The following NALF1 variants were observed in gnomAD, a reference collection of about 807,000 sequenced individuals.
The protein encoded by NALF1 is NALCN channel auxiliary factor 1, also known as family with sequence similarity 155 member A.
In NALF1, 3 loss-of-function variants were observed where a neutral mutation model predicts 48.4. The observed-to-expected ratio is 0.06, with a 90% confidence interval of 0.03 to 0.16. The LOEUF (loss-of-function observed/expected upper bound fraction) is 0.16. Ranked by LOEUF, NALF1 falls within the 10% of genes least tolerant of loss-of-function variation. The probability of loss-of-function intolerance (pLI) is 1.00; values close to 1 mark genes in which losing one functional copy is unlikely to be tolerated. For synonymous variants in NALF1, 262 were observed against 245.7 expected, an observed-to-expected ratio of 1.07 and a Z score of -0.62; for missense variants, 526 against 571.5, an observed-to-expected ratio of 0.92 and a Z score of 0.81.
chr13:107,255,744 A>T (rs1427803828), intron 1 of NALF1, among the ~76,000 whole-genome samples: 1 of 152,184 alleles, frequency 6.6e-6, no homozygotes, highest in African/African-American at 2.4e-5. Flanking sequence ...TAATAATCTG[A>T]GGCAACTTGG....
At chr13:107,777,160 C>T (rs1877757914) in intron 1 of NALF1, among the ~76,000 whole-genome samples, 1 of 152,132 alleles carries the variant, frequency 6.6e-6, no homozygotes, top group Non-Finnish European at 1.5e-5. Context: ...TTTCCCGAAA[C>T]TTCACATAAA....
intron 1 of NALF1, among the ~76,000 whole-genome samples, chr13:107,861,457 T>C (rs1036745160): frequency 6.6e-6 from 1 of 152,202 alleles, no homozygotes; most frequent in African/African-American, 2.4e-5. Flanking sequence ...ATTTAAGTGA[T>C]AAAAAATTGT....
intron 1 of NALF1, among the ~76,000 whole-genome samples, chr13:107,568,239 C>T (rs1171055286): frequency 1.3e-5 from 2 of 152,200 alleles, no homozygotes; most frequent in Non-Finnish European, 2.9e-5. Flanking sequence ...CCTTGGCCTC[C>T]CATAATGTTA....
In NALF1 at chr13:107,284,075, G is replaced by T. The variant is rs551480098; in HGVS notation, c.916-73320C>A. Among the ~76,000 whole-genome samples, 45 of 152,230 alleles carry T rather than the reference G, an allele frequency of 3.0e-4. 1 individual carries two copies. The South Asian group carries it at 9.3e-3, about 32-fold the overall frequency. Reference sequence around the variant, plus strand: ...CAAATGAAAAACCTACAGCTACATAGGGCAAAGGATTATGGCTGACATACG... The same window carrying T: ...CAAATGAAAAACCTACAGCTACATATGGCAAAGGATTATGGCTGACATACG... On this transcript the variant is annotated intron_variant, in intron 1 of 2. Coordinates refer to ENST00000375915, the MANE Select transcript of NALF1 (RefSeq NM_001080396.3).
intron 1 of NALF1, among the ~76,000 whole-genome samples, chr13:107,846,764 T>G (rs1026046728): frequency 1.3e-5 from 2 of 152,192 alleles, no homozygotes; most frequent in Non-Finnish European, 2.9e-5. Flanking sequence ...AGTGCCTTCG[T>G]GTTTATTTCA....
rs529276071 is a variant in NALF1 at position 107,611,983 on chromosome 13, AAGAGG to A, written c.915+253694_915+253698del. ...GCACGAAGAAGAAAGAAGAGAAGAG[AAGAGG>A]AGAGGAGAGGAGAGAGACAGGGAAA... On this transcript the variant is annotated intron_variant, in intron 1 of 2. Transcript: ENST00000375915. Among the ~76,000 whole-genome samples the A allele has an allele frequency of 1.1e-4, 16 of 142,502 alleles. 1 individual carries two copies. In the East Asian group the frequency reaches 1.3e-3, roughly 12 times the overall value. 93.5% of individuals were successfully genotyped at this position (142,502 alleles called of 152,430 possible). A position where few individuals can be genotyped will look rare whatever the true frequency, so the allele number is the denominator to read the frequency against.
chr13:107,828,403 G>C (rs904485797), intron 1 of NALF1, among the ~76,000 whole-genome samples: 17 of 151,876 alleles, frequency 1.1e-4, no homozygotes, highest in African/African-American at 3.9e-4. Flanking sequence ...TCATACATCA[G>C]TGTGTGCTTC....
chr13:107,558,404 T>G (rs1877545025), intron 1 of NALF1, among the ~76,000 whole-genome samples: 1 of 152,204 alleles, frequency 6.6e-6, no homozygotes, highest in South Asian at 2.1e-4. Context: ...GACAGCTATA[T>G]GTATAGTATA....
chr13:107,530,502 AT>A (rs989769899), intron 1 of NALF1, among the ~76,000 whole-genome samples: 1 of 152,058 alleles, frequency 6.6e-6, no homozygotes, highest in African/African-American at 2.4e-5. Flanking sequence ...TAAATTTAAT[AT>A]TTGTAAGATT....
At chr13:107,836,576 T>C (rs1879895222) in intron 1 of NALF1, among the ~76,000 whole-genome samples, 1 of 152,096 alleles carries the variant, frequency 6.6e-6, no homozygotes, top group Non-Finnish European at 1.5e-5. Flanking sequence ...AAAATTTAAT[T>C]AGGAAAATGG....
intron 1 of NALF1, among the ~76,000 whole-genome samples, chr13:107,292,992 C>CTTTTTCTTTTTT (rs745529749): frequency 3.8e-4 from 42 of 110,638 alleles, no homozygotes; most frequent in East Asian, 5.7e-4. Context: ...TTTTCTTTTT[C>CTTTTTCTTTTTT]TTTTTTTTTT....
At chr13:107,337,600 G>A (rs1023373625) in intron 1 of NALF1, among the ~76,000 whole-genome samples, 7 of 152,044 alleles carry the variant, frequency 4.6e-5, no homozygotes, top group African/African-American at 7.2e-5. Flanking sequence ...ATGTCCTTTC[G>A]TGCCCTTAAT....
At chr13:107,343,258 A>G (rs1256727827) in intron 1 of NALF1, among the ~76,000 whole-genome samples, 1 of 152,218 alleles carries the variant, frequency 6.6e-6, no homozygotes, top group Non-Finnish European at 1.5e-5. Context: ...AAAATTAAAC[A>G]GCACACACTT....
intron 1 of NALF1, among the ~76,000 whole-genome samples, chr13:107,464,050 C>T (rs1261817483): frequency 3.3e-5 from 5 of 152,064 alleles, no homozygotes; most frequent in African/African-American, 1.2e-4. Flanking sequence ...AATGTCTTTC[C>T]AGGTTCCAAT....
intron 1 of NALF1, among the ~76,000 whole-genome samples, chr13:107,775,543 T>G (rs539680862): frequency 7.9e-5 from 12 of 151,970 alleles, no homozygotes; most frequent in African/African-American, 2.7e-4. Context: ...TATAGCAGCA[T>G]GATTTATAGT....
chr13:107,195,526 C>T (rs9587312), intron 2 of NALF1, among the ~76,000 whole-genome samples: 5,433 of 152,266 alleles, frequency 0.036, 147 homozygotes, highest in African/African-American at 0.069. Context: ...ACACTCTCCA[C>T]ACTTACTTTC....
chr13:107,607,908 C>T (rs1302639298), intron 1 of NALF1, among the ~76,000 whole-genome samples: 3 of 152,184 alleles, frequency 2.0e-5, no homozygotes, highest in Non-Finnish European at 4.4e-5. Context: ...ATCCATTCCC[C>T]TAATCTTCCT....
chr13:107,193,032 A>T (rs1879314751), intron 2 of NALF1, among the ~76,000 whole-genome samples: 1 of 151,116 alleles, frequency 6.6e-6, no homozygotes, highest in Non-Finnish European at 1.5e-5. Context: ...AATTTACATT[A>T]TGCTTATATG....
At chr13:107,487,030 G>C (rs73594737) in intron 1 of NALF1, among the ~76,000 whole-genome samples, 3,085 of 152,168 alleles carry the variant, frequency 0.02, 100 homozygotes, top group African/African-American at 0.07. Context: ...ACATGATATA[G>C]TTATAGACAC....
Sources: allele counts gnomAD v4.1 joint callset (sites outside exome capture counted in the v4.1 genomes callset), GRCh38; gene constraint gnomAD v4.1.1; transcripts MANE v1.5; gene names NCBI Gene and HGNC (gene_info 2026-07-23, HGNC 2026-07-21).